The following PHACTR1 variants were observed in gnomAD, a reference collection of about 807,000 sequenced individuals.
PHACTR1 encodes the protein phosphatase and actin regulator 1.
PHACTR1 carries 16 observed loss-of-function variants against 69.2 expected under a neutral mutation model. The ratio of observed to expected loss-of-function variants is 0.23; its 90% CI spans 0.16 to 0.35. The LOEUF is 0.35. Among genes scored for constraint, PHACTR1 ranks in the 10% least tolerant of loss-of-function variants. The pLI is 1.00. For synonymous variants in PHACTR1, 312 were observed against 284.5 expected (o/e 1.10, Z -0.97); for missense variants, 510 against 734.7 (o/e 0.69, Z 3.54).
chr6:13,281,796 C>G (rs1274254242), intron 12 of PHACTR1, among the ~76,000 whole-genome samples: 4 of 152,202 alleles, frequency 2.6e-5, no homozygotes, highest in Non-Finnish European at 4.4e-5. Context: ...GTGACCACAG[C>G]CATAACAGCC....
At chr6:13,285,423 G>A (rs116378088) in intron 13 of PHACTR1, among the ~76,000 whole-genome samples, 2 of 152,176 alleles carry the variant, frequency 1.3e-5, no homozygotes, top group Non-Finnish European at 2.9e-5. Context: ...GAAGGCACAC[G>A]TTTGCAATTT....
At chr6:12,966,454 C>A (rs991402688) in intron 4 of PHACTR1, among the ~76,000 whole-genome samples, 3 of 152,202 alleles carry the variant, frequency 2.0e-5, no homozygotes, top group Non-Finnish European at 4.4e-5. Context: ...GGGACCCTGG[C>A]TGGTTGTGAT....
chr6:13,098,346 C>T (rs879402120), intron 5 of PHACTR1, among the ~76,000 whole-genome samples: 7 of 152,132 alleles, frequency 4.6e-5, no homozygotes, highest in Admixed American at 2.6e-4. Flanking sequence ...GTTTTTCCTT[C>T]TCTCTCCCTT....
chr6:13,132,822 T>C (rs1277188019), intron 5 of PHACTR1, among the ~76,000 whole-genome samples: 1 of 152,150 alleles, frequency 6.6e-6, no homozygotes, highest in East Asian at 1.9e-4. Context: ...TGATGATTAC[T>C]GACTGATCAG....
chr6:12,806,374 A>AT (rs1774332155), intron 4 of PHACTR1, among the ~76,000 whole-genome samples: 1 of 152,210 alleles, frequency 6.6e-6, no homozygotes, highest in Non-Finnish European at 1.5e-5. Context: ...CCAATCATGT[A>AT]TGAGGCACTT....
chr6:12,931,473 T>C (rs151008957), intron 4 of PHACTR1, among the ~76,000 whole-genome samples: 2 of 152,164 alleles, frequency 1.3e-5, no homozygotes, highest in African/African-American at 4.8e-5. Context: ...CATGGCAAGT[T>C]AATATAAATG....
chr6:13,124,122 A>C (rs1392904521), intron 5 of PHACTR1, among the ~76,000 whole-genome samples: 2 of 152,176 alleles, frequency 1.3e-5, no homozygotes, highest in East Asian at 3.8e-4. Context: ...TGAACTGCAG[A>C]GAGCGAGGTT....
intron 4 of PHACTR1, among the ~76,000 whole-genome samples, chr6:12,825,601 A>C (rs1345184686): frequency 6.6e-6 from 1 of 152,188 alleles, no homozygotes; most frequent in Non-Finnish European, 1.5e-5. Flanking sequence ...TTATGTTTGG[A>C]TTGTGGAAGT....
intron 5 of PHACTR1, among the ~76,000 whole-genome samples, chr6:13,141,476 A>G (rs776648090): frequency 3.9e-5 from 6 of 152,216 alleles, no homozygotes; most frequent in Non-Finnish European, 7.3e-5. Context: ...TTATTTCAAA[A>G]TAAGTGTAAA....
At chr6:13,115,704 G>C (rs1049828216) in intron 5 of PHACTR1, among the ~76,000 whole-genome samples, 8 of 152,176 alleles carry the variant, frequency 5.3e-5, no homozygotes, top group Non-Finnish European at 1.2e-4. Context: ...CTCCACGTAG[G>C]CTGTATAAAG....
At chr6:13,168,185 A>G (rs1022337372) in intron 6 of PHACTR1, among the ~76,000 whole-genome samples, 1 of 152,230 alleles carries the variant, frequency 6.6e-6, no homozygotes, top group Admixed American at 6.5e-5. Flanking sequence ...TTTCAGCATC[A>G]ACAACCTATA....
intron 4 of PHACTR1, among the ~76,000 whole-genome samples, chr6:13,037,505 G>A (rs73723329): frequency 1.3e-3 from 200 of 152,330 alleles, no homozygotes; most frequent in African/African-American, 4.7e-3. Context: ...GAGGAAACTA[G>A]CATGCATCAG....
intron 4 of PHACTR1, among the ~76,000 whole-genome samples, chr6:12,985,967 C>T (rs924669676): frequency 1.3e-5 from 2 of 151,982 alleles, no homozygotes; most frequent in Admixed American, 6.6e-5. Context: ...TCCCAAGTAG[C>T]TGGGATTACA....
At chr6:12,719,012 T>C (rs2127553867) in intron 3 of PHACTR1, among the ~76,000 whole-genome samples, 165 bp downstream of exon 3, 1 of 152,300 alleles carries the variant, frequency 6.6e-6, no homozygotes, top group East Asian at 1.9e-4. Flanking sequence ...AGGTATATAA[T>C]AGAATAAATA....
intron 4 of PHACTR1, among the ~76,000 whole-genome samples, chr6:12,997,264 ATT>A (rs1359164829): frequency 2.0e-5 from 3 of 147,974 alleles, no homozygotes; most frequent in Admixed American, 6.8e-5. Context: ...GTAAATATAT[ATT>A]AGTATATAGT....
intron 3 of PHACTR1, among the ~76,000 whole-genome samples, chr6:12,723,029 T>C (rs1235474696): frequency 6.6e-6 from 1 of 152,202 alleles, no homozygotes; most frequent in Non-Finnish European, 1.5e-5. Flanking sequence ...TCTGTAATTT[T>C]GTAGTGAACA....
chr6:12,903,883 G>C (rs1785449987), intron 4 of PHACTR1, among the ~76,000 whole-genome samples: 1 of 151,946 alleles, frequency 6.6e-6, no homozygotes, highest in Non-Finnish European at 1.5e-5. Context: ...TGATTTTTTT[G>C]TTTCTTCTTA....
At chr6:13,132,076 C>G (rs1485653152) in intron 5 of PHACTR1, among the ~76,000 whole-genome samples, 1 of 152,140 alleles carries the variant, frequency 6.6e-6, no homozygotes, top group East Asian at 1.9e-4. Flanking sequence ...ACAATTGACT[C>G]TCATCTCAGG....
chr6:12,853,117 A>G (rs1052887524), intron 4 of PHACTR1, among the ~76,000 whole-genome samples: 3 of 152,196 alleles, frequency 2.0e-5, no homozygotes, highest in Non-Finnish European at 4.4e-5. Flanking sequence ...TTTCAATTCA[A>G]TTTATTCAAA....
Sources: allele counts gnomAD v4.1 joint callset (sites outside exome capture counted in the v4.1 genomes callset), GRCh38; gene constraint gnomAD v4.1.1; transcripts MANE v1.5; gene names NCBI Gene and HGNC (gene_info 2026-07-23, HGNC 2026-07-21).